NIFK: variants seen among roughly 807,000 people sequenced by gnomAD.
The protein encoded by NIFK is MKI67 FHA domain-interacting nucleolar phosphoprotein.
A neutral mutation model predicts 31.7 loss-of-function variants in NIFK; 16 were observed. The observed-to-expected ratio is 0.50, with a 90% CI of 0.34 to 0.77. NIFK has a LOEUF of 0.77. NIFK is among the 30% of genes least tolerant of loss of function. NIFK has a pLI of 0.01. For synonymous variants in NIFK, 126 were observed against 123.0 expected (o/e 1.02, Z -0.16); for missense variants, 341 against 350.4 (o/e 0.97, Z 0.21).
rs549651677 is a variant in NIFK, at chr2:121,730,950, T to A, written c.507A>T (p.Glu169Asp). 3 of 1,613,276 alleles carry A rather than the reference T, an allele frequency of 1.9e-6. No homozygotes were observed. The highest frequency in any genetic ancestry group is 2.2e-5 in the South Asian group (2 of 91,048). Reference sequence around the variant, plus strand: ...TAGCTAATTTCTTCCTGAGTAATCTTTCTTTCTTTTTAAATCGCTCCTCCA... The same window carrying A: ...TAGCTAATTTCTTCCTGAGTAATCTATCTTTCTTTTTAAATCGCTCCTCCA... ...LRMEERFKKK[E>D]RLLRKKLAKK... Residue 169 changes from glutamate to aspartate, a missense_variant, in exon 4 of 7, where the codon GAA becomes GAT. Transcript: ENST00000285814.
At chr2:121,736,443 T>C (rs565212918) in intron 1 of NIFK, among the ~76,000 whole-genome samples, 3 of 152,366 alleles carry the variant, frequency 2.0e-5, no homozygotes, top group African/African-American at 7.2e-5. Context: ...CAGCTGGTTC[T>C]TTCTACTGCT....
chr2:121,729,435 T>C (rs1340977338), intron 4 of NIFK, among the ~76,000 whole-genome samples: 1 of 151,812 alleles, frequency 6.6e-6, no homozygotes, highest in African/African-American at 2.4e-5. Flanking sequence ...ATAAGCTTCA[T>C]TCTTGATCTA....
intron 2 of NIFK, 57 bp from the exon 3 acceptor site, chr2:121,732,261 A>T: frequency 2.1e-6 from 2 of 964,390 alleles, no homozygotes; most frequent in Non-Finnish European, 3.4e-6. Context: ...TGCGTCATCA[A>T]ATTCCTAAAA....
chr2:121,733,059 G>A (rs2074555287), intron 2 of NIFK, among the ~76,000 whole-genome samples: 1 of 151,746 alleles, frequency 6.6e-6, no homozygotes, highest in Non-Finnish European at 1.5e-5. Flanking sequence ...TCCAGCCTGG[G>A]CAACAGAATA....
At chr2:121,736,686 A>G (rs1476115116) in intron 1 of NIFK, 60 bp downstream of exon 1, 10 of 1,439,350 alleles carry the variant, frequency 6.9e-6, no homozygotes, top group Admixed American at 1.7e-5. Context: ...GCAACCCCAG[A>G]TACCCTCTAG....
chr2:121,734,270 A>T (rs530117769), intron 2 of NIFK, among the ~76,000 whole-genome samples: 7 of 151,986 alleles, frequency 4.6e-5, no homozygotes, highest in Non-Finnish European at 8.8e-5. Context: ...AACAAAACCT[A>T]ATGTTCAATA....
intron 4 of NIFK, among the ~76,000 whole-genome samples, chr2:121,729,692 G>GTA (rs1559904834): frequency 1.3e-5 from 2 of 152,154 alleles, no homozygotes. Flanking sequence ...AGCCTCCTGA[G>GTA]TAGCAAGGAC....
intron 2 of NIFK, among the ~76,000 whole-genome samples, chr2:121,734,425 AT>A (rs2074565320): frequency 6.6e-6 from 1 of 152,160 alleles, no homozygotes; most frequent in Non-Finnish European, 1.5e-5. Flanking sequence ...ATAATACCAT[AT>A]GTACATTTAT....
At chr2:121,735,820 C>T in intron 1 of NIFK, 70 bp from the exon 2 acceptor site, 1 of 1,351,704 alleles carries the variant, frequency 7.4e-7, no homozygotes, top group Non-Finnish European at 1.0e-6. Context: ...AACCCCTAGC[C>T]CTCGGCCCAA....
rs752616703 is a variant in NIFK, at chr2:121,731,032, G to A, written c.425C>T (p.Ser142Leu). Residue 142 changes from serine (S) to leucine (L), a missense_variant, in exon 4 of 7, where the codon TCA becomes TTA. By Grantham distance (145) the Ser-to-Leu change is moderately radical (BLOSUM62 -2). Transcript: ENST00000285814. ...KDWNIPFKQP[S>L]YPSVKRYNRN... ...ATTATACCGTTTCACTGATGGATAT[G>A]ATGGCTGCTTAAATGGAATATTCCA... 2 of 1,613,078 alleles carry A rather than the reference G, an allele frequency of 1.2e-6. No homozygotes were observed. Among genetic ancestry groups the A allele is most frequent in the South Asian group, 1.1e-5 (1 of 91,040 alleles).
At chr2:121,732,005 T>C (rs1573374606) in intron 3 of NIFK, 91 bp downstream of exon 3, 2 of 736,910 alleles carry the variant, frequency 2.7e-6, no homozygotes, top group South Asian at 1.5e-5. Context: ...AAGTGGCATG[T>C]CCAAGCAGCT....
chr2:121,734,062 C>T lies in NIFK; in HGVS notation c.243+1551G>A, dbSNP rs143172202. ...CAGTACCTTGGGAGGCCGAGGTGGG[C>T]GGATCATCTGAGGTCAGGAGTTTGA... On this transcript the variant is annotated intron_variant, in intron 2 of 6. Transcript: ENST00000285814. Among the ~76,000 whole-genome samples, 824 of 151,628 alleles carry T rather than the reference C, an allele frequency of 5.4e-3. 7 individuals are homozygous for T. The highest frequency in any genetic ancestry group is 0.019 in the African/African-American group (785 of 41,328).
intron 2 of NIFK, among the ~76,000 whole-genome samples, chr2:121,733,375 T>C (rs59168543): frequency 0.13 from 20,094 of 151,716 alleles, 3,139 homozygotes; most frequent in African/African-American, 0.38. Context: ...ATTAGCTGGG[T>C]GTGGTGGTGC....
chr2:121,731,397 C>T (rs189325574), intron 3 of NIFK, among the ~76,000 whole-genome samples: 1 of 152,166 alleles, frequency 6.6e-6, no homozygotes, highest in African/African-American at 2.4e-5. Context: ...TCTCTGCACC[C>T]TATGGACTGC....
rs1304675120 is a variant in NIFK, at chr2:121,727,890, G to C, written c.716C>G (p.Pro239Arg). 1 of 1,602,684 alleles carries C rather than the reference G, an allele frequency of 6.2e-7. No individual in the cohort carries two copies. The highest frequency in any genetic ancestry group is 1.1e-5 in the South Asian group (1 of 87,608). ...AGATTTTCGCCTCTCCAAAAATGTT[G>C]GTGTACAAACTGGTGTGGGGCCCTG... is the stretch of plus-strand genomic sequence containing the variant. ...DSQGPTPVCTPTFLERRKSQV... is the reference protein window; with the variant it reads ...DSQGPTPVCTRTFLERRKSQV... Residue 239 changes from proline to arginine, a missense_variant, in exon 7 of 7, where the codon CCA becomes CGA. Pro to Arg is a moderately radical substitution (Grantham distance 103). Transcript: ENST00000285814.
Position 121,727,358 on chromosome 2 carries a change from A to G in NIFK, c.*366T>C, listed in dbSNP as rs192246013. The G allele has an allele frequency of 4.2e-6, 2 of 480,396 alleles. No individual in the cohort carries two copies. The highest frequency in any genetic ancestry group is 3.1e-5 in the South Asian group (2 of 64,442). 29.8% of individuals were successfully genotyped at this position (480,396 alleles called of 1,614,324 possible). ...CGACAAACCATGTAGATGGACAAAC[A>G]AGATTGGTGGTCTTTAATTGCTGGC... On this transcript the variant is annotated 3_prime_UTR_variant, in exon 7 of 7. Coordinates refer to ENST00000285814, the MANE Select transcript of NIFK (RefSeq NM_032390.5).
chr2:121,729,353 G>C (rs1229816911), intron 4 of NIFK, among the ~76,000 whole-genome samples: 1 of 148,228 alleles, frequency 6.7e-6, no homozygotes, highest in East Asian at 2.0e-4. Flanking sequence ...GGGCAACAGA[G>C]GGAGACTCCA....
At chr2:121,734,000 C>T (rs971103757) in intron 2 of NIFK, among the ~76,000 whole-genome samples, 1 of 152,030 alleles carries the variant, frequency 6.6e-6, no homozygotes, top group Non-Finnish European at 1.5e-5. Flanking sequence ...ACCTAATGTT[C>T]GGGCTGGGCA....
rs541358407 is a variant in NIFK, at chr2:121,728,471, T to A, written c.624+6A>T. ...CTTGCATGTAAAATGATAAAAAAAA[T>A]TTTACCTGGCCTTTTGTAGACGTCT... On this transcript the variant is annotated splice_donor_region_variant and intron_variant, in intron 5 of 6. Transcript: ENST00000285814. 1.4e-5 allele frequency: 22 copies of A among 1,577,728 alleles called. No homozygotes were observed. The highest frequency in any genetic ancestry group is 3.4e-4 in the Middle Eastern group (2 of 5,904).
Sources: gnomAD v4.1 joint callset for allele counts (sites outside exome capture counted in the v4.1 genomes callset) on GRCh38, gnomAD v4.1.1 for gene constraint, MANE v1.5 for transcripts, NCBI Gene and HGNC (gene_info 2026-07-23, HGNC 2026-07-21) for gene names.